The following SDC2 variants were observed in gnomAD, a reference collection of about 807,000 sequenced individuals.
The protein encoded by SDC2 is syndecan-2.
In SDC2, 13 loss-of-function variants were observed where a neutral mutation model predicts 22.2. That is an observed-to-expected ratio of 0.59 (90% confidence interval 0.38 to 0.93). The LOEUF (loss-of-function observed/expected upper bound fraction) is 0.93, where lower values mean the gene tolerates loss of function less well. Ranked by LOEUF, SDC2 falls within the 40% of genes least tolerant of loss-of-function variation. SDC2 has a pLI of 0.00. For synonymous variants in SDC2, 94 were observed against 92.8 expected, an observed-to-expected ratio of 1.01 and a Z score of -0.07; for missense variants, 235 against 246.8, an observed-to-expected ratio of 0.95 and a Z score of 0.32.
chr8:96,514,347 A>G (rs1298553987), intron 1 of SDC2, among the ~76,000 whole-genome samples: 1 of 152,192 alleles, frequency 6.6e-6, no homozygotes, highest in Admixed American at 6.5e-5. Flanking sequence ...ACAGGCCAGC[A>G]CGAAGAATGT....
At chr8:96,577,208 A>G (rs149107791) in intron 1 of SDC2, among the ~76,000 whole-genome samples, 2,559 of 152,322 alleles carry the variant, frequency 0.017, 32 homozygotes, top group Middle Eastern at 0.024. Context: ...AAGTCCAGGA[A>G]TGTGTCGTTT....
chr8:96,526,215 C>T (rs752828349), intron 1 of SDC2, among the ~76,000 whole-genome samples: 8 of 152,168 alleles, frequency 5.3e-5, no homozygotes, highest in Admixed American at 4.6e-4. Context: ...AGTTAGAATT[C>T]TATGAATATG....
chr8:96,498,658 A>T (rs6981881), intron 1 of SDC2, among the ~76,000 whole-genome samples: 38,855 of 151,680 alleles, frequency 0.26, 5,121 homozygotes, highest in Non-Finnish European at 0.31. Context: ...ACCTGGCTAA[A>T]TTTTGTATTT....
At chr8:96,600,809 T>A (rs1397884451) in intron 2 of SDC2, among the ~76,000 whole-genome samples, 3 of 152,152 alleles carry the variant, frequency 2.0e-5, no homozygotes, top group African/African-American at 7.2e-5. Context: ...AGAGGTGTGT[T>A]GTACCTTTGA....
intron 1 of SDC2, among the ~76,000 whole-genome samples, chr8:96,563,038 A>G (rs1022646850): frequency 3.3e-5 from 5 of 151,824 alleles, no homozygotes; most frequent in Middle Eastern, 3.2e-3. Context: ...CTCTCCAATT[A>G]CTGTTCCATT....
intron 1 of SDC2, among the ~76,000 whole-genome samples, chr8:96,591,114 C>G (rs1320551850): frequency 6.6e-6 from 1 of 152,120 alleles, no homozygotes; most frequent in African/African-American, 2.4e-5. Context: ...ATGTGTTAGT[C>G]CAGACAACTG....
chr8:96,580,520 A>G (rs1814572601), intron 1 of SDC2: 1 of 985,348 alleles, frequency 1.0e-6, no homozygotes, highest in Non-Finnish European at 1.2e-6. Context: ...CTCATCTTAT[A>G]CCAATTAAAT....
At chr8:96,518,126 A>C (rs1813435221) in intron 1 of SDC2, among the ~76,000 whole-genome samples, 1 of 152,066 alleles carries the variant, frequency 6.6e-6, no homozygotes, top group Non-Finnish European at 1.5e-5. Flanking sequence ...TAAGATACTT[A>C]ATGAGTTCTG....
intron 1 of SDC2, among the ~76,000 whole-genome samples, chr8:96,567,960 T>C (rs961836099): frequency 2.0e-5 from 3 of 152,326 alleles, no homozygotes; most frequent in South Asian, 4.1e-4. Flanking sequence ...TTGCTGTCAT[T>C]TGAACCCAGG....
rs142209698 is a variant in SDC2, at chr8:96,538,066, T to C, written c.60+43735T>C. Among the ~76,000 whole-genome samples, 251 of 152,280 alleles carry C rather than the reference T, an allele frequency of 1.6e-3. 1 individual carries two copies. The highest frequency in any genetic ancestry group is 5.8e-3 in the African/African-American group (242 of 41,576). ...CAACCTCCACATCCCAGGTTCAAGC[T>C]ATTCTCCTGCCTCAGCCTCCTGAGT... is the stretch of plus-strand genomic sequence containing the variant. On this transcript the variant is annotated intron_variant, in intron 1 of 4. Coordinates refer to ENST00000302190, the MANE Select transcript of SDC2 (RefSeq NM_002998.4).
At chr8:96,588,743 A>G (rs939318148) in intron 1 of SDC2, among the ~76,000 whole-genome samples, 1 of 152,216 alleles carries the variant, frequency 6.6e-6, no homozygotes, top group Admixed American at 6.5e-5. Context: ...TAAAACCATA[A>G]AGTAAATTCG....
chr8:96,494,434 C>A, intron 1 of SDC2, 103 bp downstream of exon 1: 1 of 1,054,982 alleles, frequency 9.5e-7, no homozygotes, highest in South Asian at 1.5e-5. Context: ...ACCCCCAGTC[C>A]CCAAGTATAC....
chr8:96,513,554 T>C (rs1813358979), intron 1 of SDC2, among the ~76,000 whole-genome samples: 1 of 152,254 alleles, frequency 6.6e-6, no homozygotes, highest in Non-Finnish European at 1.5e-5. Flanking sequence ...GTTTATTGAA[T>C]ATAAACCAGC....
At chr8:96,532,941 C>T (rs1436849704) in intron 1 of SDC2, among the ~76,000 whole-genome samples, 1 of 152,168 alleles carries the variant, frequency 6.6e-6, no homozygotes, top group African/African-American at 2.4e-5. Flanking sequence ...ATACTGTATC[C>T]AGAATTGGTG....
chr8:96,528,626 A>G (rs1359733405), intron 1 of SDC2, among the ~76,000 whole-genome samples: 4 of 152,242 alleles, frequency 2.6e-5, no homozygotes, highest in African/African-American at 9.6e-5. Context: ...TAGTCTTTCT[A>G]ATTTTAGTTT....
At chr8:96,521,069 G>C (rs1401062178) in intron 1 of SDC2, among the ~76,000 whole-genome samples, 1 of 152,150 alleles carries the variant, frequency 6.6e-6, no homozygotes, top group Non-Finnish European at 1.5e-5. Context: ...TGCCCAAGGA[G>C]AATCAGTCAA....
At chr8:96,553,329 T>C (rs1207925525) in intron 1 of SDC2, among the ~76,000 whole-genome samples, 1 of 152,136 alleles carries the variant, frequency 6.6e-6, no homozygotes, top group Non-Finnish European at 1.5e-5. Context: ...GCATTCTTAT[T>C]GGATTTTAAT....
At chr8:96,521,417 T>G (rs765955977) in intron 1 of SDC2, among the ~76,000 whole-genome samples, 1 of 152,162 alleles carries the variant, frequency 6.6e-6, no homozygotes, top group Non-Finnish European at 1.5e-5. Context: ...CTAGGGAGAC[T>G]GCTCTGAAAA....
At chr8:96,545,826 A>G (rs1161550473) in intron 1 of SDC2, among the ~76,000 whole-genome samples, 1 of 152,186 alleles carries the variant, frequency 6.6e-6, no homozygotes, top group South Asian at 2.1e-4. Context: ...TTTATGGAAT[A>G]AAAGAGGGTC....
Sources: gnomAD v4.1 joint callset for allele counts (sites outside exome capture counted in the v4.1 genomes callset) on GRCh38, gnomAD v4.1.1 for gene constraint, MANE v1.5 for transcripts, NCBI Gene and HGNC (gene_info 2026-07-23, HGNC 2026-07-21) for gene names.